CACNA1I: variants seen among roughly 807,000 people sequenced by gnomAD.
CACNA1I encodes calcium voltage-gated channel subunit alpha1 I, also known as voltage-dependent T-type calcium channel subunit alpha-1I.
CACNA1I carries 74 observed loss-of-function variants against 201.6 expected under a neutral mutation model. That is an observed-to-expected ratio of 0.37 (90% CI 0.30 to 0.45). The LOEUF is 0.45. Among genes scored for constraint, CACNA1I ranks in the 20% least tolerant of loss-of-function variants. CACNA1I has a pLI of 1.00. For synonymous variants in CACNA1I, 1,431 were observed against 1,345.2 expected (o/e 1.06, Z -1.40); for missense variants, 2,346 against 3,138.1 (o/e 0.75, Z 6.03).
intron 24 of CACNA1I, 49 bp from the exon 25 acceptor site, chr22:39,669,989 C>A: frequency 1.2e-6 from 2 of 1,604,912 alleles, no homozygotes; most frequent in Non-Finnish European, 1.7e-6. Context: ...CTCCCCATGG[C>A]CCTGTAGGGC....
At chr22:39,578,128 C>A (rs1011555692) in intron 1 of CACNA1I, among the ~76,000 whole-genome samples, 1 of 148,308 alleles carries the variant, frequency 6.7e-6, no homozygotes, top group African/African-American at 2.5e-5. Flanking sequence ...GGTGGGAGGG[C>A]GGGAAGGTGG....
intron 3 of CACNA1I, among the ~76,000 whole-genome samples, chr22:39,607,294 A>G (rs149624799): frequency 6.6e-6 from 1 of 152,322 alleles, no homozygotes; most frequent in Non-Finnish European, 1.5e-5. Flanking sequence ...CCACTCCCCA[A>G]ACACATGCAC....
In CACNA1I at chr22:39,679,847, G is replaced by GT; in HGVS notation, c.5521dup (p.Cys1841LeufsTer12). 6.2e-7 allele frequency: 1 copy of GT among 1,612,646 alleles called. No homozygotes were observed. Among genetic ancestry groups the GT allele is most frequent in the Non-Finnish European group, 8.5e-7 (1 of 1,179,478 alleles). The stretch of plus-strand genomic sequence containing the variant: ...ACTCCTCGCCTGCCGGCTGCAAGAA[G>GT]TGTCACCACGACAAGCAAGAGGTAA... On this transcript the variant is annotated frameshift_variant, in exon 33 of 37. Coordinates refer to ENST00000402142, the MANE Select transcript of CACNA1I (RefSeq NM_021096.4). LOFTEE classifies it high-confidence loss of function.
intron 3 of CACNA1I, among the ~76,000 whole-genome samples, chr22:39,602,180 T>TCC (rs1464070706): frequency 2.7e-5 from 4 of 147,660 alleles, no homozygotes; most frequent in African/African-American, 1.0e-4. Context: ...CAAAGGATCC[T>TCC]CCCACCTCAG....
At chr22:39,672,348 C>T (rs1201229371) in intron 27 of CACNA1I, 40 bp downstream of exon 27, 2 of 1,336,876 alleles carry the variant, frequency 1.5e-6, no homozygotes, top group Non-Finnish European at 1.1e-6. Context: ...ATAGGGTAGA[C>T]TGCAGGATGA....
At chr22:39,595,393 G>A (rs1370808517) in intron 1 of CACNA1I, among the ~76,000 whole-genome samples, 1 of 152,076 alleles carries the variant, frequency 6.6e-6, no homozygotes, top group Non-Finnish European at 1.5e-5. Context: ...GGAGGCCGAG[G>A]CGGGTGGATC....
chr22:39,599,192 C>T (rs1932966836), intron 2 of CACNA1I, among the ~76,000 whole-genome samples: 1 of 147,998 alleles, frequency 6.8e-6, no homozygotes. Flanking sequence ...TCGTGATCTG[C>T]CTGCCTCGGC....
intron 1 of CACNA1I, among the ~76,000 whole-genome samples, chr22:39,576,997 G>C (rs1932377806): frequency 1.3e-5 from 2 of 152,066 alleles, no homozygotes; most frequent in Non-Finnish European, 2.9e-5. Context: ...TGTCGCCCAG[G>C]CTGGAGTGCA....
chr22:39,664,566 CAG>C (rs984224108), intron 20 of CACNA1I, among the ~76,000 whole-genome samples, 171 bp from the exon 21 acceptor site: 2 of 152,058 alleles, frequency 1.3e-5, no homozygotes, highest in African/African-American at 2.4e-5. Context: ...CAACCGCCCT[CAG>C]AGGGCGGCCT....
intron 1 of CACNA1I, among the ~76,000 whole-genome samples, chr22:39,579,977 C>T: frequency 6.6e-6 from 1 of 152,214 alleles, no homozygotes; most frequent in South Asian, 2.1e-4. Flanking sequence ...ACAACCAGCT[C>T]TTACATGAAC....
At chr22:39,602,070 T>C (rs1318630498) in intron 3 of CACNA1I, among the ~76,000 whole-genome samples, 6 of 48,324 alleles carry the variant, frequency 1.2e-4, no homozygotes, top group South Asian at 9.2e-4. Context: ...CTCCCTCCCT[T>C]CCTTCCTTCC....
chr22:39,686,389 G>A lies in CACNA1I; in HGVS notation c.6656G>A (p.Ser2219Asn). 2 of 1,287,372 alleles carry A rather than the reference G, an allele frequency of 1.6e-6. No homozygotes were observed. The highest frequency in any genetic ancestry group is 2.1e-5 in the South Asian group (1 of 46,602). The allele number at this position is 1,287,372 out of a possible 1,614,324, so 79.7% of individuals were successfully genotyped here. A position where few individuals can be genotyped will look rare whatever the true frequency, so the allele number is the denominator to read the frequency against. ...GAGCTGGAGCCGGGAGACGCCGCCA[G>A]CAAGAGGAAGAGATGAGGGTCGCAG... Reference protein sequence around the residue: ...PGELEPGDAASKRKR With the variant: ...PGELEPGDAANKRKR The change falls in exon 37 of 37, where the codon AGC becomes AAC. Residue 2219 changes from serine to asparagine, a missense_variant. Physicochemically the swap from Ser to Asn is conservative, Grantham distance 46. Transcript: ENST00000402142.
rs1935149478 is a variant in CACNA1I, at chr22:39,665,217, C to A, written c.3852-281C>A. ...CCTAGACCAGGGTGTGGTGTGGACC[C>A]CGAGGAGCTGGGCACAGTGAGGGGT... On this transcript the variant is annotated intron_variant, in intron 21 of 36. Coordinates refer to ENST00000402142, the MANE Select transcript of CACNA1I (RefSeq NM_021096.4). This position sits in a 1 kb window ranked among gnomAD's most constrained non-coding sequence, Gnocchi z 5.5. Among the ~76,000 whole-genome samples the A allele has an allele frequency of 6.6e-6, 1 of 152,142 alleles. No homozygotes were observed. Among genetic ancestry groups the A allele is most frequent in the Non-Finnish European group, 1.5e-5 (1 of 68,016 alleles).
chr22:39,652,784 A>G (rs1018807399), intron 10 of CACNA1I, among the ~76,000 whole-genome samples: 3 of 152,206 alleles, frequency 2.0e-5, no homozygotes, highest in Admixed American at 6.5e-5. Context: ...GCATGTCTGT[A>G]GTCCCAGCTT....
At chr22:39,642,343 G>C (rs1039900660) in intron 6 of CACNA1I, among the ~76,000 whole-genome samples, 9 of 152,208 alleles carry the variant, frequency 5.9e-5, no homozygotes, top group Admixed American at 2.0e-4. Flanking sequence ...GGGGTGGGGT[G>C]GGGGGTGACA....
At chr22:39,591,863 C>A (rs757913021) in intron 1 of CACNA1I, among the ~76,000 whole-genome samples, 2 of 152,244 alleles carry the variant, frequency 1.3e-5, no homozygotes, top group Non-Finnish European at 2.9e-5. Flanking sequence ...CTTGGCCATG[C>A]ATGCTGTTTG....
chr22:39,679,553 G>A, intron 32 of CACNA1I, 108 bp downstream of exon 32: 7 of 1,053,348 alleles, frequency 6.6e-6, no homozygotes, highest in Non-Finnish European at 8.0e-6. Flanking sequence ...GTCTTTCTGG[G>A]CCCCACCCTG....
intron 5 of CACNA1I, 53 bp downstream of exon 5, chr22:39,634,777 A>T (rs527846724): frequency 4.5e-6 from 7 of 1,551,948 alleles, no homozygotes; most frequent in Non-Finnish European, 4.4e-6. Context: ...ACTAAGACAC[A>T]GTTTTAACCT....
At chr22:39,674,708 C>T (rs1450129978) in intron 29 of CACNA1I, among the ~76,000 whole-genome samples, 1 of 151,618 alleles carries the variant, frequency 6.6e-6, no homozygotes, top group Non-Finnish European at 1.5e-5. Context: ...TCCCCCTCCC[C>T]TCAGGGTGGC....
Sources: gnomAD v4.1 joint callset for allele counts (sites outside exome capture counted in the v4.1 genomes callset) on GRCh38, gnomAD v4.1.1 for gene constraint, Gnocchi (gnomAD v3.1) non-coding constraint, MANE v1.5 for transcripts, NCBI Gene and HGNC (gene_info 2026-07-23, HGNC 2026-07-21) for gene names.